GRK5: variants seen among roughly 807,000 people sequenced by gnomAD.
The protein encoded by GRK5 is g protein-coupled receptor kinase GRK5.
Under a neutral mutation model 78.4 loss-of-function variants are expected in GRK5, and 40 were observed. The ratio of observed to expected loss-of-function variants is 0.51; its 90% CI spans 0.40 to 0.66. The LOEUF (loss-of-function observed/expected upper bound fraction) is 0.66. Ranked by LOEUF, GRK5 falls within the 30% of genes least tolerant of loss-of-function variation. The pLI, the probability that GRK5 is intolerant of heterozygous loss-of-function variation, is 0.00. For missense variants in GRK5, 598 were observed against 759.9 expected, an observed-to-expected ratio of 0.79 and a Z score of 2.50; for synonymous variants, 289 against 296.8, an observed-to-expected ratio of 0.97 and a Z score of 0.27.
rs949877659 is a variant in GRK5 at position 119,412,512 on chromosome 10, C to G, written c.340-10654C>G. ...GATTTATTTTTCTCCCCAGTGACCC[C>G]GAAAACCAAACCCTGCCTTCTTTCC... On this transcript the variant is annotated intron_variant, in intron 4 of 15. Transcript: ENST00000392870. The surrounding 1 kb of genome is among the most constrained non-coding windows in gnomAD (Gnocchi z 4.3). Among the ~76,000 whole-genome samples the G allele has an allele frequency of 2.6e-5, 4 of 152,206 alleles. No homozygotes were observed. The highest frequency in any genetic ancestry group is 2.1e-4 in the South Asian group (1 of 4,824).
intron 3 of GRK5, among the ~76,000 whole-genome samples, chr10:119,390,462 A>G (rs912899636): frequency 2.6e-5 from 4 of 152,210 alleles, no homozygotes; most frequent in African/African-American, 9.6e-5. Context: ...TGGGAGGCCA[A>G]GATGGGCAGA....
chr10:119,397,654 G>T (rs1852078778), intron 4 of GRK5, among the ~76,000 whole-genome samples: 1 of 152,230 alleles, frequency 6.6e-6, no homozygotes. Flanking sequence ...ATCCCAGGCT[G>T]CCAGTGGACT....
intron 2 of GRK5, among the ~76,000 whole-genome samples, chr10:119,361,124 C>G (rs1198955005): frequency 6.6e-6 from 1 of 152,244 alleles, no homozygotes; most frequent in East Asian, 1.9e-4. Flanking sequence ...GGGCAATGCA[C>G]AGACCTTAAA....
In GRK5 at chr10:119,455,146, C is replaced by A; in HGVS notation, c.*79C>A. 8.5e-7 allele frequency: 1 copy of A among 1,171,456 alleles called. No individual in the cohort carries two copies. The highest frequency in any genetic ancestry group is 1.3e-6 in the Non-Finnish European group (1 of 781,972). The allele number at this position is 1,171,456 out of a possible 1,614,324, so 72.6% of individuals were successfully genotyped here. A position where few individuals can be genotyped will look rare whatever the true frequency, so the allele number is the denominator to read the frequency against. ...AGAAGTGGAAGTAGTGGAGCCCCTG[C>A]TCTGGTGGGGCTGCCAGGGGAGACC... On this transcript the variant is annotated 3_prime_UTR_variant, in exon 16 of 16. Coordinates refer to ENST00000392870, the MANE Select transcript of GRK5 (RefSeq NM_005308.3).
rs936709811 is a variant in GRK5 at position 119,207,676 on chromosome 10, G to C, written c.-242G>C. ...GGTGGGGGGGAGCGTGTTGAGGGAGGGGGGAGGGGGGACACAGAGGGAGGA... is the reference window on the plus strand; with the variant it reads ...GGTGGGGGGGAGCGTGTTGAGGGAGCGGGGAGGGGGGACACAGAGGGAGGA... On this transcript the variant is annotated 5_prime_UTR_variant, in exon 1 of 16. Transcript: ENST00000392870. 4 of 416,188 alleles carry C rather than the reference G, an allele frequency of 9.6e-6. No homozygotes were observed. The highest frequency in any genetic ancestry group is 3.1e-5 in the African/African-American group (1 of 32,486). The allele number at this position is 416,188 out of a possible 1,614,324, so 25.8% of individuals were successfully genotyped here.
At chr10:119,358,846 T>C (rs1851310133) in intron 2 of GRK5, among the ~76,000 whole-genome samples, 1 of 152,224 alleles carries the variant, frequency 6.6e-6, no homozygotes, top group Non-Finnish European at 1.5e-5. Context: ...CAGGGCTGGC[T>C]TCTGCCCTTG....
chr10:119,423,414 C>T (rs1008735476), intron 5 of GRK5, 148 bp downstream of exon 5: 150 of 607,852 alleles, frequency 2.5e-4, no homozygotes, highest in Non-Finnish European at 3.9e-4. Flanking sequence ...GTATACTTCC[C>T]ACGAAGAGAA....
At chr10:119,243,567 T>TTTC (rs1554898012) in intron 1 of GRK5, among the ~76,000 whole-genome samples, 90 of 139,156 alleles carry the variant, frequency 6.5e-4, no homozygotes, top group African/African-American at 2.0e-3. Flanking sequence ...CCAGTTTTTC[T>TTTC]TTTTTTTTTT....
At chr10:119,395,412 T>G (rs1852031139) in intron 3 of GRK5, among the ~76,000 whole-genome samples, 1 of 152,140 alleles carries the variant, frequency 6.6e-6, no homozygotes, top group Admixed American at 6.5e-5. Context: ...GGTGTGAAGT[T>G]TCCCTGAGGG....
chr10:119,408,859 C>T (rs1852287515), intron 4 of GRK5, among the ~76,000 whole-genome samples: 2 of 152,190 alleles, frequency 1.3e-5, no homozygotes, highest in East Asian at 3.8e-4. Context: ...TATGCTATGT[C>T]TATTTTACCA....
chr10:119,410,495 C>T (rs958671396), intron 4 of GRK5, among the ~76,000 whole-genome samples: 2 of 152,112 alleles, frequency 1.3e-5, no homozygotes, highest in Admixed American at 6.5e-5. Context: ...GAACATGACA[C>T]GCTGGGTCTC....
At chr10:119,291,875 C>G (rs1276970758) in intron 1 of GRK5, among the ~76,000 whole-genome samples, 1 of 150,698 alleles carries the variant, frequency 6.6e-6, no homozygotes, top group Non-Finnish European at 1.5e-5. Context: ...TCCTCCTCAT[C>G]CTCCTCCTCC....
intron 1 of GRK5, among the ~76,000 whole-genome samples, chr10:119,299,994 T>C (rs1392820539): frequency 6.6e-6 from 1 of 152,078 alleles, no homozygotes; most frequent in African/African-American, 2.4e-5. Context: ...CGGTGTGTGA[T>C]GTTCCCTAAG....
At chr10:119,416,645 C>CAGTG (rs975682951) in intron 4 of GRK5, among the ~76,000 whole-genome samples, 5 of 151,714 alleles carry the variant, frequency 3.3e-5, no homozygotes, top group Non-Finnish European at 7.4e-5. Flanking sequence ...GGTTGGAGTG[C>CAGTG]AGTGGCTCAG....
rs145013829 is a variant in GRK5, at chr10:119,343,870, A to T, written c.148+17259A>T. ...CAGGCGGGCTTCCAGGCTATATGAG[A>T]TGCAGTTCCTCCTTCTCCAAATTCT... On this transcript the variant is annotated intron_variant, in intron 2 of 15. Transcript: ENST00000392870. Among the ~76,000 whole-genome samples, 390 of 152,236 alleles carry T rather than the reference A, an allele frequency of 2.6e-3. 4 individuals carry two copies. Among genetic ancestry groups the T allele is most frequent in the South Asian group, 6.9e-3 (33 of 4,816 alleles).
intron 3 of GRK5, among the ~76,000 whole-genome samples, chr10:119,388,430 G>A (rs1345603675): frequency 6.6e-6 from 1 of 152,218 alleles, no homozygotes; most frequent in Non-Finnish European, 1.5e-5. Flanking sequence ...TCCACCTCCT[G>A]GGTTCAAGTG....
intron 1 of GRK5, among the ~76,000 whole-genome samples, chr10:119,318,712 G>A (rs191531518): frequency 9.9e-5 from 15 of 152,122 alleles, no homozygotes; most frequent in African/African-American, 2.2e-4. Context: ...AGCTCAGGTC[G>A]TCCCACTGCC....
At position 119,282,564 on chromosome 10, in the gene GRK5, C is replaced by T. The variant is rs148669627; in HGVS notation, c.53-43952C>T. Among the ~76,000 whole-genome samples the T allele has an allele frequency of 4.7e-3, 717 of 152,318 alleles. 22 individuals are homozygous for T. Among genetic ancestry groups the T allele is most frequent in the Admixed American group, 0.038 (587 of 15,298 alleles). On this transcript the variant is annotated intron_variant, in intron 1 of 15. Transcript: ENST00000392870. The stretch of plus-strand genomic sequence containing the variant: ...GCTGGGGCAGGAGAGGCGTGTGCTG[C>T]GGCCCTGGATGGGCTCATGGGCAGA...
At chr10:119,362,849 A>G (rs570285452) in intron 2 of GRK5, among the ~76,000 whole-genome samples, 1 of 152,364 alleles carries the variant, frequency 6.6e-6, no homozygotes, top group African/African-American at 2.4e-5. Context: ...AAACTCATCC[A>G]GATTTAGTAG....
Sources: gnomAD v4.1 joint callset for allele counts (sites outside exome capture counted in the v4.1 genomes callset) on GRCh38, gnomAD v4.1.1 for gene constraint, Gnocchi (gnomAD v3.1) non-coding constraint, MANE v1.5 for transcripts, NCBI Gene and HGNC (gene_info 2026-07-23, HGNC 2026-07-21) for gene names.